The following TMEM255B variants were observed in gnomAD, a reference collection of about 807,000 sequenced individuals.
TMEM255B encodes the protein family with sequence similarity 70, member B.
TMEM255B carries 35 observed loss-of-function variants against 34.5 expected under a neutral mutation model. The observed-to-expected ratio is 1.01, with a 90% CI of 0.77 to 1.34. The LOEUF (loss-of-function observed/expected upper bound fraction) is 1.34, where lower values mean the gene tolerates loss of function less well. Among genes scored for constraint, TMEM255B ranks in the 40% most tolerant of loss-of-function variants. The probability of loss-of-function intolerance (pLI) is 0.00; values close to 1 mark genes in which losing one functional copy is unlikely to be tolerated. For synonymous variants in TMEM255B, 206 were observed against 201.2 expected (o/e 1.02, Z -0.20); for missense variants, 432 against 433.2 (o/e 1.00, Z 0.02).
Position 113,781,477 on chromosome 13 carries a change from T to C in TMEM255B, c.252+12317T>C, listed in dbSNP as rs146131051. On this transcript the variant is annotated intron_variant, in intron 3 of 8. Coordinates refer to ENST00000375353, the MANE Select transcript of TMEM255B (RefSeq NM_182614.4). Reference sequence around the variant, plus strand: ...TTGCTTTCCTTACACACCTTGCATGTAAACTGTTTCTTCAATAGTCTTAAA... The same window carrying C: ...TTGCTTTCCTTACACACCTTGCATGCAAACTGTTTCTTCAATAGTCTTAAA... Among the ~76,000 whole-genome samples, 1,352 of 152,364 alleles carry C rather than the reference T, an allele frequency of 8.9e-3. 17 individuals carry two copies. The highest frequency in any genetic ancestry group is 0.031 in the African/African-American group (1,309 of 41,582).
intron 4 of TMEM255B, among the ~76,000 whole-genome samples, chr13:113,796,174 CCACACAACACACAGAGCACACAG>C (rs2050929791): frequency 3.5e-5 from 5 of 142,710 alleles, no homozygotes; most frequent in Admixed American, 6.9e-5. Flanking sequence ...ATAGCACACA[CCACACAACACACAGAGCACACAG>C]CACACAACAC....
At chr13:113,810,939 G>C (rs1236107622) in intron 8 of TMEM255B, among the ~76,000 whole-genome samples, 2 of 152,178 alleles carry the variant, frequency 1.3e-5, no homozygotes, top group East Asian at 3.9e-4. Context: ...CCCAGGCCTG[G>C]TGGACCCTAA....
At chr13:113,779,479 C>T (rs1046714346) in intron 3 of TMEM255B, among the ~76,000 whole-genome samples, 13 of 151,638 alleles carry the variant, frequency 8.6e-5, no homozygotes, top group Middle Eastern at 3.4e-3. Flanking sequence ...GTTTTGGGGG[C>T]GTAGAGGGAG....
At chr13:113,759,402 G>A (rs181900783) in intron 1 of TMEM255B, 87 bp downstream of exon 1, 389 of 1,170,138 alleles carry the variant, frequency 3.3e-4, no homozygotes, top group East Asian at 1.7e-3. Context: ...CGGCCGGCCC[G>A]GGCGGAACCT....
chr13:113,793,015 C>T lies in TMEM255B; in HGVS notation c.253-2133C>T, dbSNP rs1159864159. Among the ~76,000 whole-genome samples the T allele has an allele frequency of 3.3e-5, 5 of 152,360 alleles. No individual in the cohort carries two copies. The East Asian group carries it at 9.6e-4, about 29-fold the overall frequency. On this transcript the variant is annotated intron_variant, in intron 3 of 8. Transcript: ENST00000375353. The stretch of plus-strand genomic sequence containing the variant: ...GTCAGTGAACCCAGCACCTCCCTTT[C>T]CAGAGGGGGAACCAAGGACCACTAG...
Position 113,811,225 on chromosome 13 carries a change from G to C in TMEM255B, c.814-511G>C, listed in dbSNP as rs181185399. The stretch of plus-strand genomic sequence containing the variant: ...AGGTCCTGGATCTGTGGGGGGGGCC[G>C]GTGAGAGAGGTCCTGGGTCTGTGGG... On this transcript the variant is annotated intron_variant, in intron 8 of 8. Transcript: ENST00000375353. Among the ~76,000 whole-genome samples, 1,046 of 112,348 alleles carry C rather than the reference G, an allele frequency of 9.3e-3. 13 individuals carry two copies. Among genetic ancestry groups the C allele is most frequent in the Admixed American group, 0.016 (168 of 10,522 alleles). The allele number at this position is 112,348 out of a possible 152,430, so 73.7% of individuals were successfully genotyped here. A position where few individuals can be genotyped will look rare whatever the true frequency, so the allele number is the denominator to read the frequency against.
chr13:113,792,471 C>G (rs1392384515), intron 3 of TMEM255B, among the ~76,000 whole-genome samples: 6 of 152,236 alleles, frequency 3.9e-5, no homozygotes, highest in Admixed American at 2.6e-4. Flanking sequence ...TTCCCTGTCT[C>G]CCCTTGAGGA....
intron 1 of TMEM255B, among the ~76,000 whole-genome samples, chr13:113,762,506 G>C (rs916449600): frequency 1.3e-5 from 2 of 152,078 alleles, no homozygotes; most frequent in Non-Finnish European, 2.9e-5. Context: ...TGTAGCAGAT[G>C]GGGGGGAAGT....
intron 3 of TMEM255B, among the ~76,000 whole-genome samples, chr13:113,790,053 C>T (rs1243915033): frequency 6.6e-6 from 1 of 151,298 alleles, no homozygotes; most frequent in South Asian, 2.1e-4. Context: ...TGACTGGGCA[C>T]GTGGACATCC....
chr13:113,775,961 GGTCTCTGT>G (rs2050570437), intron 3 of TMEM255B, among the ~76,000 whole-genome samples: 1 of 152,236 alleles, frequency 6.6e-6, no homozygotes, highest in Non-Finnish European at 1.5e-5. Context: ...GGCATCGGCA[GGTCTCTGT>G]GTGCAGCCAT....
At chr13:113,804,101 T>C (rs1594164902) in intron 7 of TMEM255B, among the ~76,000 whole-genome samples, 1 of 152,120 alleles carries the variant, frequency 6.6e-6, no homozygotes. Flanking sequence ...GAAGCCCGGG[T>C]GCCCTCGGCC....
chr13:113,804,501 A>G (rs1223641156), intron 7 of TMEM255B, among the ~76,000 whole-genome samples: 2 of 152,190 alleles, frequency 1.3e-5, no homozygotes, highest in Non-Finnish European at 2.9e-5. Flanking sequence ...GCGGTCACCC[A>G]GTGTGACTAG....
intron 3 of TMEM255B, among the ~76,000 whole-genome samples, chr13:113,790,021 C>CGTGGA (rs1439995178): frequency 4.6e-5 from 7 of 150,978 alleles, no homozygotes; most frequent in Non-Finnish European, 5.9e-5. Context: ...TGACTGGGCA[C>CGTGGA]CTGAACATCC....
At chr13:113,777,348 G>A (rs1161311689) in intron 3 of TMEM255B, among the ~76,000 whole-genome samples, 3 of 152,130 alleles carry the variant, frequency 2.0e-5, no homozygotes, top group Non-Finnish European at 4.4e-5. Flanking sequence ...CCCAGACCCA[G>A]CCTCTTGCCA....
In TMEM255B at chr13:113,804,985, C is replaced by G; in HGVS notation, c.770C>G (p.Pro257Arg). The stretch of plus-strand genomic sequence containing the variant: ...GCCTACGCAGGCTTCCGCCTGACGC[C>G]CGAGCCCGTCCCGACCTGCTCGTCC... ...ILAYAGFRLT[P>R]EPVPTCSSYP... Residue 257 changes from proline (P) to arginine (R), a missense_variant, in exon 8 of 9, where the codon CCC becomes CGC. Physicochemically the swap from Pro to Arg is moderately radical, Grantham distance 103. Transcript: ENST00000375353. 7.5e-6 allele frequency: 12 copies of G among 1,606,580 alleles called. No homozygotes were observed. The highest frequency in any genetic ancestry group is 8.5e-6 in the Non-Finnish European group (10 of 1,179,686).
intron 2 of TMEM255B, among the ~76,000 whole-genome samples, chr13:113,767,798 C>T (rs550833370): frequency 4.2e-4 from 64 of 152,298 alleles, no homozygotes; most frequent in Non-Finnish European, 7.2e-4. Flanking sequence ...AAAACATCTC[C>T]ACATTTTCAA....
chr13:113,765,138 G>T (rs2050368377), intron 1 of TMEM255B, among the ~76,000 whole-genome samples: 1 of 152,202 alleles, frequency 6.6e-6, no homozygotes, highest in Non-Finnish European at 1.5e-5. Flanking sequence ...GGCAGGCAGG[G>T]TGCTGTGCCG....
chr13:113,799,484 T>G, intron 5 of TMEM255B, 65 bp downstream of exon 5: 20 of 1,474,746 alleles, frequency 1.4e-5, no homozygotes, highest in Non-Finnish European at 1.9e-5. Flanking sequence ...CCACGCGGTT[T>G]TCCCTGCACA....
chr13:113,774,121 CCCGCCTGCTT>C (rs1375252681), intron 3 of TMEM255B, among the ~76,000 whole-genome samples: 1 of 151,698 alleles, frequency 6.6e-6, no homozygotes, highest in Non-Finnish European at 1.5e-5. Context: ...CTGTTCACCC[CCCGCCTGCTT>C]CTTCTCTTCC....
Sources: allele counts gnomAD v4.1 joint callset (sites outside exome capture counted in the v4.1 genomes callset), GRCh38; gene constraint gnomAD v4.1.1; transcripts MANE v1.5; gene names NCBI Gene and HGNC (gene_info 2026-07-23, HGNC 2026-07-21).